The following CAPN15 variants were observed in gnomAD, a reference collection of about 807,000 sequenced individuals.
CAPN15 encodes calpain 15.
A neutral mutation model predicts 97.9 loss-of-function variants in CAPN15; 53 were observed. That is an observed-to-expected ratio of 0.54 (90% CI 0.43 to 0.68). CAPN15 has a LOEUF of 0.68. CAPN15 is among the 30% of genes least tolerant of loss of function. The probability of loss-of-function intolerance (pLI) is 0.00; values close to 1 mark genes in which losing one functional copy is unlikely to be tolerated. For missense variants in CAPN15, 1,592 were observed against 1,589.8 expected (o/e 1.00, Z -0.02); for synonymous variants, 922 against 722.5 (o/e 1.28, Z -4.43).
intron 1 of CAPN15, among the ~76,000 whole-genome samples, chr16:531,881 C>G (rs2033288150): frequency 1.3e-5 from 2 of 152,196 alleles, no homozygotes; most frequent in South Asian, 4.1e-4. Flanking sequence ...CACCACATGG[C>G]AAGCAGAGAA....
At chr16:550,901 GTGAGGGTCC>G (rs1433204142) in intron 7 of CAPN15, among the ~76,000 whole-genome samples, 7 of 125,572 alleles carry the variant, frequency 5.6e-5, no homozygotes, top group Non-Finnish European at 9.5e-5. Context: ...TCCCTGGTCG[GTGAGGGTCC>G]CGGTCAGTGA....
At chr16:534,771 A>G (rs1027688221) in intron 2 of CAPN15, among the ~76,000 whole-genome samples, 1 of 152,192 alleles carries the variant, frequency 6.6e-6, no homozygotes, top group Non-Finnish European at 1.5e-5. Flanking sequence ...CTGCCTGGAC[A>G]CAGGGGCCCC....
intron 4 of CAPN15, among the ~76,000 whole-genome samples, chr16:548,613 G>A (rs1567153311): frequency 6.6e-6 from 1 of 152,232 alleles, no homozygotes; most frequent in Non-Finnish European, 1.5e-5. Context: ...AGACCCCGCT[G>A]AAGTGCGAGG....
At chr16:550,770 GGTGAGGGT>G in intron 7 of CAPN15, among the ~76,000 whole-genome samples, 6 of 121,572 alleles carry the variant, frequency 4.9e-5, no homozygotes, top group Admixed American at 2.3e-4. Context: ...GTCCCCTGCC[GGTGAGGGT>G]CCCGGTCGGT....
In CAPN15 at chr16:551,394, C is replaced by T. The variant is rs2142072159; in HGVS notation, c.2159C>T (p.Ser720Phe). The change falls in exon 8 of 14, where the codon TCC becomes TTC. Residue 720 changes from serine (S) to phenylalanine (F), a missense_variant. Ser to Phe is a radical substitution (Grantham distance 155). Around this residue, in one of 3 missense-constraint regions of CAPN15, gnomAD observed 644 missense variants for 699.6 expected, o/e 0.92. Transcript: ENST00000219611. Reference sequence around the variant, plus strand: ...GGCCTGCGCCCCCGGCATGCCTACTCCATCCTGGATGTCCGAGATGTCCAG... The same window carrying T: ...GGCCTGCGCCCCCGGCATGCCTACTTCATCCTGGATGTCCGAGATGTCCAG... ...SLGLRPRHAYSILDVRDVQGT... is the reference protein window; with the variant it reads ...SLGLRPRHAYFILDVRDVQGT... The T allele has an allele frequency of 6.2e-7, 1 of 1,610,548 alleles. No homozygotes were observed. Among genetic ancestry groups the T allele is most frequent in the Non-Finnish European group, 8.5e-7 (1 of 1,178,706 alleles).
At chr16:534,231 C>CTGGGCCGTGGTCCTGTCGTGGG (rs370331827) in intron 2 of CAPN15, among the ~76,000 whole-genome samples, 1 of 147,792 alleles carries the variant, frequency 6.8e-6, no homozygotes, top group African/African-American at 2.7e-5. Context: ...GGGGTCCCGA[C>CTGGGCCGTGGTCCTGTCGTGGG]AGGGGTGTTT....
Position 547,888 on chromosome 16 carries a change from G to C in CAPN15, c.1050G>C (p.Thr350=), listed in dbSNP as rs1042271265. 6.2e-7 allele frequency: 1 copy of C among 1,611,170 alleles called. No individual in the cohort carries two copies. Among genetic ancestry groups the C allele is most frequent in the East Asian group, 2.2e-5 (1 of 44,782 alleles). The stretch of plus-strand genomic sequence containing the variant: ...CCACCTGGTCATGTGCCAAGTGCAC[G>C]CTCAGAAACCCCACAGTGGCCCCCA... The part of the protein sequence containing the change: ...DFTTWSCAKC[T]LRNPTVAPRC... Residue 350 remains threonine, a synonymous_variant, in exon 4 of 14, where the codon ACG becomes ACC. Transcript: ENST00000219611.
intron 7 of CAPN15, among the ~76,000 whole-genome samples, chr16:550,808 G>GGC: frequency 7.4e-6 from 1 of 135,336 alleles, no homozygotes; most frequent in Non-Finnish European, 1.5e-5. Context: ...GGTCGGTGAG[G>GGC]GCCCCGGTCG....
chr16:552,274 G>A lies in CAPN15; in HGVS notation c.2508-27G>A, dbSNP rs2035144268. The A allele has an allele frequency of 1.3e-6, 2 of 1,539,362 alleles. No homozygotes were observed. Among genetic ancestry groups the A allele is most frequent in the African/African-American group, 2.7e-5 (2 of 72,976 alleles). On this transcript the variant is annotated intron_variant, in intron 10 of 13. Coordinates refer to ENST00000219611, the MANE Select transcript of CAPN15 (RefSeq NM_005632.3). The surrounding 1 kb of genome is among the most constrained non-coding windows in gnomAD (Gnocchi z 6.4). ...TAGGCTGGCGGCCGTGACCACGCGT[G>A]ACCCTGGCCCGTGGTGTCTGGCGCA... is the stretch of plus-strand genomic sequence containing the variant.
Position 553,364 on chromosome 16 carries a change from C to T in CAPN15, c.3109C>T (p.Leu1037=). The T allele has an allele frequency of 6.2e-7, 1 of 1,607,514 alleles. No individual in the cohort carries two copies. Among genetic ancestry groups the T allele is most frequent in the Non-Finnish European group, 8.5e-7 (1 of 1,177,904 alleles). The part of the protein sequence containing the change: ...HRQVLVILSQ[L]EGNAGFSITH... ...GCAGGTCCTGGTGATCTTGTCCCAG[C>T]TAGAGGGCAACGCCGGCTTCTCTAT... Residue 1037 remains leucine (L), a synonymous_variant, in exon 14 of 14, where the codon CTA becomes TTA. Transcript: ENST00000219611.
At chr16:532,854 G>GAAA (rs1307303121) in intron 1 of CAPN15, among the ~76,000 whole-genome samples, 1 of 104,998 alleles carries the variant, frequency 9.5e-6, no homozygotes, top group Non-Finnish European at 2.0e-5. Context: ...CTCTGTCAGA[G>GAAA]AAAAAAAAAA....
rs1399934382 is a variant in CAPN15 at position 535,102 on chromosome 16, G to A, written c.-136-927G>A. 1.3e-5 allele frequency among the ~76,000 whole-genome samples: 2 copies of A among 152,154 alleles called. No individual in the cohort carries two copies. Reference sequence around the variant, plus strand: ...AGCCCTGCTCCCATGTGGGCTCCCAGCTCCCCAGGTAGGGACGCTGACCCC... The same window carrying A: ...AGCCCTGCTCCCATGTGGGCTCCCAACTCCCCAGGTAGGGACGCTGACCCC... On this transcript the variant is annotated intron_variant, in intron 2 of 13. Transcript: ENST00000219611. This position sits in a 1 kb window ranked among gnomAD's most constrained non-coding sequence, Gnocchi z 6.2.
intron 3 of CAPN15, among the ~76,000 whole-genome samples, chr16:545,433 G>A (rs574883922): frequency 1.6e-4 from 25 of 152,014 alleles, no homozygotes; most frequent in African/African-American, 5.3e-4. Context: ...TCCCCTCAGC[G>A]TCTCCAGCCA....
In CAPN15 at chr16:553,720, C is replaced by T; in HGVS notation, c.*204C>T. On this transcript the variant is annotated 3_prime_UTR_variant, in exon 14 of 14. Coordinates refer to ENST00000219611, the MANE Select transcript of CAPN15 (RefSeq NM_005632.3). ...CCCCACAGTCCGCCTGGCCAGGCCT[C>T]CTGGCCGCCACGCAGAATACCTCGA... is the stretch of plus-strand genomic sequence containing the variant. The T allele has an allele frequency of 2.1e-6, 1 of 479,616 alleles. No homozygotes were observed. Among genetic ancestry groups the T allele is most frequent in the Non-Finnish European group, 3.7e-6 (1 of 271,302 alleles). The allele number at this position is 479,616 out of a possible 1,614,324, so 29.7% of individuals were successfully genotyped here. A position where few individuals can be genotyped will look rare whatever the true frequency, so the allele number is the denominator to read the frequency against.
intron 3 of CAPN15, chr16:537,331 T>C: frequency 1.0e-6 from 1 of 985,520 alleles, no homozygotes; most frequent in Non-Finnish European, 1.2e-6. Context: ...TGGGTGCAGC[T>C]GGGCACCACT....
intron 3 of CAPN15, chr16:537,439 A>C: frequency 2.0e-6 from 2 of 985,592 alleles, no homozygotes; most frequent in Non-Finnish European, 2.4e-6. Context: ...CACGTGGGTG[A>C]GTGCGTGGGT....
rs757395899 is a variant in CAPN15, at chr16:551,340, A to G, written c.2105A>G (p.Lys702Arg). Residue 702 changes from lysine to arginine, a missense_variant, in exon 8 of 14, where the codon AAG becomes AGG. Lys to Arg is a conservative substitution (Grantham distance 26, BLOSUM62 2). This residue lies in a region of CAPN15 where 644 missense variants were observed against 699.6 expected (regional missense o/e 0.92). Coordinates refer to ENST00000219611, the MANE Select transcript of CAPN15 (RefSeq NM_005632.3). Reference sequence around the variant, plus strand: ...GCCTCCTGTGGCGGGGGCAACATGAAGGTGGACGATTCGGCCTACGAGAGC... The same window carrying G: ...GCCTCCTGTGGCGGGGGCAACATGAGGGTGGACGATTCGGCCTACGAGAGC... ...MGASCGGGNM[K>R]VDDSAYESLG... 6.2e-7 allele frequency: 1 copy of G among 1,607,646 alleles called. No homozygotes were observed. Among genetic ancestry groups the G allele is most frequent in the East Asian group, 2.2e-5 (1 of 44,816 alleles).
intron 8 of CAPN15, 22 bp from the exon 9 acceptor site, chr16:551,490 T>G: frequency 6.2e-7 from 1 of 1,604,148 alleles, no homozygotes; most frequent in African/African-American, 1.3e-5. Flanking sequence ...GTGGTTCAGA[T>G]CCTCACCCCT....
At chr16:548,919 G>T in intron 4 of CAPN15, 74 bp from the exon 5 acceptor site, 2 of 1,398,398 alleles carry the variant, frequency 1.4e-6, no homozygotes, top group South Asian at 2.3e-5. Flanking sequence ...CGCTCTCCTG[G>T]GTGGGGTCTT....
Sources: allele counts gnomAD v4.1 joint callset (sites outside exome capture counted in the v4.1 genomes callset), GRCh38; gene constraint gnomAD v4.1.1; regional missense constraint gnomAD v4.1.1; non-coding constraint Gnocchi (gnomAD v3.1); transcripts MANE v1.5; gene names NCBI Gene and HGNC (gene_info 2026-07-23, HGNC 2026-07-21).